Variants in SKAP2 observed in about 807,000 individuals in gnomAD.
The protein encoded by SKAP2 is src kinase associated phosphoprotein 2.
In SKAP2, 28 loss-of-function variants were observed where a neutral mutation model predicts 54.9. That is an observed-to-expected ratio of 0.51 (90% CI 0.38 to 0.70). The LOEUF is 0.70. Ranked by LOEUF, SKAP2 falls within the 30% of genes least tolerant of loss-of-function variation. The pLI, the probability that SKAP2 is intolerant of heterozygous loss-of-function variation, is 0.00. For synonymous variants in SKAP2, 137 were observed against 134.3 expected, an observed-to-expected ratio of 1.02 and a Z score of -0.14; for missense variants, 356 against 424.1, an observed-to-expected ratio of 0.84 and a Z score of 1.41.
chr7:26,817,744 G>A (rs1348939491), intron 4 of SKAP2, among the ~76,000 whole-genome samples: 1 of 152,072 alleles, frequency 6.6e-6, no homozygotes, highest in Non-Finnish European at 1.5e-5. Context: ...CAAAGTCTCA[G>A]GATACAAAAT....
At chr7:26,853,063 A>G (rs2127998274) in intron 3 of SKAP2, among the ~76,000 whole-genome samples, 1 of 152,290 alleles carries the variant, frequency 6.6e-6, no homozygotes, top group East Asian at 1.9e-4. Context: ...AGTGTTAAAA[A>G]TCTTAATATG....
chr7:26,733,367 T>G (rs1787860505), intron 6 of SKAP2, among the ~76,000 whole-genome samples: 1 of 151,770 alleles, frequency 6.6e-6, no homozygotes, highest in Non-Finnish European at 1.5e-5. Flanking sequence ...AATTATAAAA[T>G]TATATAATTA....
At chr7:26,705,836 C>T (rs1787144094) in intron 9 of SKAP2, among the ~76,000 whole-genome samples, 1 of 152,134 alleles carries the variant, frequency 6.6e-6, no homozygotes, top group Non-Finnish European at 1.5e-5. Flanking sequence ...AAAAATTTAG[C>T]AGGAGCCTGT....
chr7:26,863,513 G>A (rs1384163657), intron 1 of SKAP2, among the ~76,000 whole-genome samples: 1 of 152,084 alleles, frequency 6.6e-6, no homozygotes, highest in Admixed American at 6.6e-5. Flanking sequence ...TTTCTACCTT[G>A]TACAGAAATA....
chr7:26,710,258 G>A (rs1443855662), intron 9 of SKAP2, among the ~76,000 whole-genome samples: 1 of 152,158 alleles, frequency 6.6e-6, no homozygotes, highest in Non-Finnish European at 1.5e-5. Context: ...AAAGCTATAA[G>A]GAACCATCCA....
intron 4 of SKAP2, among the ~76,000 whole-genome samples, chr7:26,763,815 T>G (rs1371638503): frequency 6.7e-6 from 1 of 148,768 alleles, no homozygotes; most frequent in African/African-American, 2.5e-5. Flanking sequence ...CTATTGCTCC[T>G]AGGCTACAAA....
chr7:26,792,671 C>T (rs934425969), intron 4 of SKAP2, among the ~76,000 whole-genome samples: 2 of 152,008 alleles, frequency 1.3e-5, no homozygotes, highest in Non-Finnish European at 2.9e-5. Context: ...TATAAATTAT[C>T]TAATCTGAAA....
chr7:26,771,200 T>C (rs1783181858), intron 4 of SKAP2, among the ~76,000 whole-genome samples: 1 of 152,194 alleles, frequency 6.6e-6, no homozygotes, highest in Admixed American at 6.5e-5. Context: ...TCCCTAGGTG[T>C]AGCTAGTGAT....
At chr7:26,737,315 A>AG (rs1243888198) in intron 6 of SKAP2, among the ~76,000 whole-genome samples, 3 of 152,230 alleles carry the variant, frequency 2.0e-5, no homozygotes, top group Admixed American at 6.5e-5. Context: ...ACTGACCCTT[A>AG]GCAGAAGAAA....
At chr7:26,775,323 A>C (rs1783280955) in intron 4 of SKAP2, among the ~76,000 whole-genome samples, 1 of 151,826 alleles carries the variant, frequency 6.6e-6, no homozygotes, top group East Asian at 1.9e-4. Context: ...CCCCTTCACT[A>C]CCTGACTTTT....
chr7:26,716,153 T>C (rs997872867), intron 9 of SKAP2, among the ~76,000 whole-genome samples: 3 of 152,222 alleles, frequency 2.0e-5, no homozygotes, highest in African/African-American at 7.2e-5. Flanking sequence ...TTTTGATAGA[T>C]TATTAATTTT....
At chr7:26,789,992 G>C (rs1783640960) in intron 4 of SKAP2, among the ~76,000 whole-genome samples, 1 of 152,298 alleles carries the variant, frequency 6.6e-6, no homozygotes, top group Non-Finnish European at 1.5e-5. Context: ...TATATTACCA[G>C]TGTCAGAGCA....
intron 4 of SKAP2, among the ~76,000 whole-genome samples, chr7:26,831,281 G>A (rs1784588582): frequency 6.6e-6 from 1 of 151,986 alleles, no homozygotes; most frequent in Non-Finnish European, 1.5e-5. Context: ...AGAAGCCAAG[G>A]CACAAAGAAG....
At chr7:26,728,028 A>G (rs1787743793) in intron 6 of SKAP2, among the ~76,000 whole-genome samples, 1 of 152,172 alleles carries the variant, frequency 6.6e-6, no homozygotes, top group Admixed American at 6.6e-5. Context: ...AAATGCCTAA[A>G]GTAACTAACA....
chr7:26,794,526 T>G (rs73065526), intron 4 of SKAP2, among the ~76,000 whole-genome samples: 39,945 of 152,052 alleles, frequency 0.26, 6,185 homozygotes, highest in Middle Eastern at 0.36. Context: ...TCAGGGGAGG[T>G]TGTTAAATAA....
At chr7:26,861,490 A>G (rs1785270132) in intron 1 of SKAP2, among the ~76,000 whole-genome samples, 2 of 152,156 alleles carry the variant, frequency 1.3e-5, no homozygotes, top group Admixed American at 6.5e-5. Context: ...AGAATAATCA[A>G]CATTTTATAA....
intron 4 of SKAP2, among the ~76,000 whole-genome samples, chr7:26,839,188 T>A (rs183508355): frequency 3.3e-5 from 5 of 152,302 alleles, no homozygotes; most frequent in Admixed American, 2.6e-4. Context: ...TATTTACTAA[T>A]ATATACCTTT....
intron 4 of SKAP2, among the ~76,000 whole-genome samples, chr7:26,779,176 C>A (rs2127977645): frequency 6.6e-6 from 1 of 152,058 alleles, no homozygotes; most frequent in African/African-American, 2.4e-5. Context: ...ATGGGGGCAT[C>A]CTGCTTTTAA....
intron 6 of SKAP2, among the ~76,000 whole-genome samples, chr7:26,729,550 G>T (rs1787778016): frequency 6.6e-6 from 1 of 152,046 alleles, no homozygotes; most frequent in South Asian, 2.1e-4. Context: ...AAATGAAACT[G>T]GCAAAATAAG....
Sources: gnomAD v4.1 joint callset for allele counts (sites outside exome capture counted in the v4.1 genomes callset) on GRCh38, gnomAD v4.1.1 for gene constraint, MANE v1.5 for transcripts, NCBI Gene and HGNC (gene_info 2026-07-23, HGNC 2026-07-21) for gene names.